XPNPEP3: variants seen among roughly 807,000 people sequenced by gnomAD.
XPNPEP3 encodes the protein xaa-Pro aminopeptidase 3.
XPNPEP3 carries 41 observed loss-of-function variants against 60.0 expected under a neutral mutation model. That is an observed-to-expected ratio of 0.68 (90% confidence interval 0.53 to 0.89). XPNPEP3 has a LOEUF of 0.89. Ranked by LOEUF, XPNPEP3 falls within the 40% of genes least tolerant of loss-of-function variation. The pLI is 0.00. For missense variants in XPNPEP3, 598 were observed against 638.9 expected, an observed-to-expected ratio of 0.94 and a Z score of 0.69; for synonymous variants, 212 against 223.2, an observed-to-expected ratio of 0.95 and a Z score of 0.45.
At chr22:40,914,350 C>G in intron 7 of XPNPEP3, 26 bp downstream of exon 7, 2 of 1,576,640 alleles carry the variant, frequency 1.3e-6, no homozygotes, top group Non-Finnish European at 1.7e-6. Context: ...AGTAACGTAT[C>G]CCACTGCTTC....
intron 4 of XPNPEP3, among the ~76,000 whole-genome samples, chr22:40,900,664 C>T (rs2058128653): frequency 6.6e-6 from 1 of 152,066 alleles, no homozygotes; most frequent in Admixed American, 6.6e-5. Context: ...TGCAGTGGCT[C>T]ATGCCTGTAA....
chr22:40,922,299 C>G (rs1473039321), intron 7 of XPNPEP3, 34 bp from the exon 8 acceptor site: 3 of 1,612,610 alleles, frequency 1.9e-6, no homozygotes, highest in Non-Finnish European at 2.5e-6. Flanking sequence ...ATCAGATTAT[C>G]TAAGTTCAGG....
intron 4 of XPNPEP3, among the ~76,000 whole-genome samples, chr22:40,900,391 A>G (rs1032820672): frequency 1.3e-5 from 2 of 151,930 alleles, no homozygotes; most frequent in Non-Finnish European, 1.5e-5. Flanking sequence ...GATCACCTGA[A>G]GTCAGGAGTT....
chr22:40,882,842 TA>T (rs891847437), intron 3 of XPNPEP3, among the ~76,000 whole-genome samples: 8 of 151,372 alleles, frequency 5.3e-5, no homozygotes, highest in African/African-American at 1.7e-4. Flanking sequence ...ACATTTCAAT[TA>T]AAAAAAAACT....
At chr22:40,898,544 C>T (rs569730314) in intron 4 of XPNPEP3, among the ~76,000 whole-genome samples, 4 of 133,660 alleles carry the variant, frequency 3.0e-5, no homozygotes, top group Non-Finnish European at 5.9e-5. Context: ...TGAGCCACCG[C>T]GCCCGGCCGA....
chr22:40,915,177 G>A (rs531272213), intron 7 of XPNPEP3, among the ~76,000 whole-genome samples: 284 of 150,032 alleles, frequency 1.9e-3, no homozygotes, highest in African/African-American at 6.6e-3. Flanking sequence ...TCAGCCTCCC[G>A]AGTAGCGGGA....
chr22:40,883,778 C>T (rs1471779681), intron 3 of XPNPEP3, among the ~76,000 whole-genome samples: 7 of 152,116 alleles, frequency 4.6e-5, no homozygotes, highest in Admixed American at 2.0e-4. Flanking sequence ...GAACCTACAC[C>T]ACATTATAAA....
chr22:40,873,098 CTTTTTTTTTT>C (rs138353), intron 2 of XPNPEP3, among the ~76,000 whole-genome samples: 8 of 88,504 alleles, frequency 9.0e-5, no homozygotes, highest in South Asian at 4.2e-4. Flanking sequence ...TTTTCTTTTT[CTTTTTTTTTT>C]TTTTTTTTTT....
intron 4 of XPNPEP3, among the ~76,000 whole-genome samples, chr22:40,886,826 C>T: frequency 1.6e-5 from 1 of 61,970 alleles, no homozygotes; most frequent in Admixed American, 2.0e-4. Context: ...GACTCCATCT[C>T]AAAAAAAAAA....
rs2058145466 is a variant in XPNPEP3, at chr22:40,904,125, G to A, written c.793-3462G>A. On this transcript the variant is annotated intron_variant, in intron 4 of 9. Coordinates refer to ENST00000357137, the MANE Select transcript of XPNPEP3 (RefSeq NM_022098.4). The stretch of plus-strand genomic sequence containing the variant: ...AGTCTTTATTGGGAGTATGGGCTAT[G>A]TTGTGACAAGACAGTCCTAAGAAGT... Among the ~76,000 whole-genome samples the A allele has an allele frequency of 2.0e-5, 3 of 152,106 alleles. No individual in the cohort carries two copies. The South Asian group carries it at 6.2e-4, about 32-fold the overall frequency.
intron 6 of XPNPEP3, among the ~76,000 whole-genome samples, chr22:40,910,721 A>G (rs1451567255): frequency 6.6e-6 from 1 of 151,890 alleles, no homozygotes; most frequent in Non-Finnish European, 1.5e-5. Context: ...AAAATAAAAT[A>G]TAGGCCAGGC....
At chr22:40,859,387 G>C (rs1243483600) in intron 1 of XPNPEP3, among the ~76,000 whole-genome samples, 1 of 152,180 alleles carries the variant, frequency 6.6e-6, no homozygotes, top group Non-Finnish European at 1.5e-5. Context: ...TCTGTTAAGA[G>C]TGAAGAAATG....
At chr22:40,899,447 C>T (rs904150852) in intron 4 of XPNPEP3, among the ~76,000 whole-genome samples, 5 of 152,148 alleles carry the variant, frequency 3.3e-5, no homozygotes, top group African/African-American at 1.2e-4. Context: ...GATTTCAAAG[C>T]ATGTGCCATA....
intron 9 of XPNPEP3, among the ~76,000 whole-genome samples, chr22:40,926,009 G>A (rs1026531223): frequency 2.6e-5 from 4 of 152,062 alleles, no homozygotes; most frequent in Non-Finnish European, 4.4e-5. Context: ...CAGCATTGCC[G>A]TAGTTGTATT....
At chr22:40,860,834 A>G (rs2057939553) in intron 1 of XPNPEP3, 5 of 636,796 alleles carry the variant, frequency 7.9e-6, no homozygotes, top group Non-Finnish European at 1.0e-5. Context: ...AATTTTTTGT[A>G]GAGAAAAGAT....
intron 2 of XPNPEP3, among the ~76,000 whole-genome samples, chr22:40,874,479 A>C (rs188379447): frequency 2.0e-5 from 3 of 152,190 alleles, no homozygotes; most frequent in African/African-American, 7.2e-5. Flanking sequence ...AGGTTGGAGT[A>C]CAGTGCCGAG....
chr22:40,873,711 T>G (rs2058016982), intron 2 of XPNPEP3, among the ~76,000 whole-genome samples: 2 of 152,194 alleles, frequency 1.3e-5, no homozygotes, highest in South Asian at 4.1e-4. Context: ...GTAGGAGGAT[T>G]GTTTGAGCCT....
At chr22:40,902,044 T>C (rs2058135431) in intron 4 of XPNPEP3, among the ~76,000 whole-genome samples, 1 of 151,856 alleles carries the variant, frequency 6.6e-6, no homozygotes, top group South Asian at 2.1e-4. Flanking sequence ...GAATTAGGTG[T>C]CTTCTAAACA....
chr22:40,912,120 G>C (rs754176588), intron 6 of XPNPEP3, among the ~76,000 whole-genome samples: 1 of 151,856 alleles, frequency 6.6e-6, no homozygotes, highest in East Asian at 1.9e-4. Flanking sequence ...AACATGTAAT[G>C]GGTTTATTTT....
Sources: gnomAD v4.1 joint callset for allele counts (sites outside exome capture counted in the v4.1 genomes callset) on GRCh38, gnomAD v4.1.1 for gene constraint, MANE v1.5 for transcripts, NCBI Gene and HGNC (gene_info 2026-07-23, HGNC 2026-07-21) for gene names.